Variants in CPS1 observed in about 807,000 individuals in gnomAD.
The protein encoded by CPS1 is carbamoyl-phosphate synthase [ammonia], mitochondrial.
CPS1 carries 109 observed loss-of-function variants against 174.6 expected under a neutral mutation model. The observed-to-expected ratio is 0.62, with a 90% CI of 0.53 to 0.73. CPS1 has a LOEUF of 0.73. CPS1 is among the 30% of genes least tolerant of loss of function. The pLI, the probability that CPS1 is intolerant of heterozygous loss-of-function variation, is 0.00. For missense variants in CPS1, 1,689 were observed against 1,821.9 expected (o/e 0.93, Z 1.33); for synonymous variants, 637 against 632.0 (o/e 1.01, Z -0.12).
At chr2:210,616,947 A>T (rs1017953938) in intron 21 of CPS1, among the ~76,000 whole-genome samples, 1 of 151,986 alleles carries the variant, frequency 6.6e-6, no homozygotes, top group Non-Finnish European at 1.5e-5. Flanking sequence ...TCCCCTTTTA[A>T]TATCAATCTA....
At chr2:210,666,894 T>C (rs1701119632) in intron 33 of CPS1, among the ~76,000 whole-genome samples, 1 of 152,194 alleles carries the variant, frequency 6.6e-6, no homozygotes, top group African/African-American at 2.4e-5. Context: ...GGGGATGGCA[T>C]TGAATCTATA....
Position 210,631,679 on chromosome 2 carries a change from T to C in CPS1, c.2688-6023T>C, listed in dbSNP as rs886593247. Reference sequence around the variant, plus strand: ...CCATTTGGTGTGTTGTTTTATTGTATAGATTCTATTATGCAATGATGAAAG... The same window carrying C: ...CCATTTGGTGTGTTGTTTTATTGTACAGATTCTATTATGCAATGATGAAAG... On this transcript the variant is annotated intron_variant, in intron 21 of 37. Coordinates refer to ENST00000233072, the MANE Select transcript of CPS1 (RefSeq NM_001875.5). Among the ~76,000 whole-genome samples, 12 of 152,204 alleles carry C rather than the reference T, an allele frequency of 7.9e-5. 1 individual carries two copies. The highest frequency in any genetic ancestry group is 2.9e-4 in the African/African-American group (12 of 41,464).
intron 1 of CPS1, among the ~76,000 whole-genome samples, chr2:210,508,165 T>C (rs1180021544): frequency 6.7e-6 from 1 of 149,216 alleles, no homozygotes; most frequent in African/African-American, 2.4e-5. Context: ...GAACAGAAAT[T>C]ATAACAAACT....
chr2:210,642,393 C>A (rs2105901407), intron 24 of CPS1, 91 bp from the exon 25 acceptor site: 1 of 1,461,318 alleles, frequency 6.8e-7, no homozygotes, highest in Non-Finnish European at 9.6e-7. Context: ...GCTTCCTTAG[C>A]CTGGACTGAC....
At chr2:210,674,484 C>CAAAAA (rs771522432) in intron 34 of CPS1, 16 of 74,768 alleles carry the variant, frequency 2.1e-4, no homozygotes, top group African/African-American at 4.0e-4. Flanking sequence ...AAAAAAAAAC[C>CAAAAA]AAAAAAAAAA....
intron 21 of CPS1, among the ~76,000 whole-genome samples, chr2:210,627,222 A>C (rs1699724276): frequency 6.6e-6 from 1 of 152,212 alleles, no homozygotes; most frequent in South Asian, 2.1e-4. Context: ...AGAAAGCCCC[A>C]GCAAGTCACC....
intron 7 of CPS1, among the ~76,000 whole-genome samples, chr2:210,589,606 G>A (rs1183236788): frequency 6.6e-6 from 1 of 152,008 alleles, no homozygotes; most frequent in African/African-American, 2.4e-5. Flanking sequence ...CTTGAGTGCA[G>A]GAGAGTGCAT....
intron 23 of CPS1, 33 bp downstream of exon 23, chr2:210,639,248 C>T (rs769298761): frequency 9.6e-6 from 14 of 1,464,534 alleles, no homozygotes; most frequent in Non-Finnish European, 1.2e-5. Flanking sequence ...ATCCAGAAAG[C>T]TCTAGATTTC....
chr2:210,509,273 C>T (rs1347039095), intron 1 of CPS1, among the ~76,000 whole-genome samples: 1 of 152,180 alleles, frequency 6.6e-6, no homozygotes, highest in Non-Finnish European at 1.5e-5. Flanking sequence ...GAACCAATGA[C>T]AAAAACCACA....
chr2:210,546,097 A>G (rs1394517193), intron 1 of CPS1, among the ~76,000 whole-genome samples: 1 of 152,086 alleles, frequency 6.6e-6, no homozygotes. Flanking sequence ...TCTAAGAATA[A>G]AACTGAAAGG....
chr2:210,656,693 GTT>G (rs61108700), intron 30 of CPS1, 61 bp downstream of exon 30: 1,691 of 872,578 alleles, frequency 1.9e-3, no homozygotes, highest in Non-Finnish European at 2.2e-3. Context: ...AACACCTAAG[GTT>G]TTTTTTTTTT....
chr2:210,611,625 T>G (rs552316808), intron 19 of CPS1, among the ~76,000 whole-genome samples: 48 of 152,102 alleles, frequency 3.2e-4, no homozygotes, highest in African/African-American at 1.1e-3. Flanking sequence ...CAAGGTTCTA[T>G]TAATATTAAT....
intron 22 of CPS1, among the ~76,000 whole-genome samples, chr2:210,638,252 CTT>C (rs1271374881): frequency 6.6e-6 from 1 of 152,056 alleles, no homozygotes. Context: ...TTGGCAGTAA[CTT>C]TTTACAGGGT....
chr2:210,536,547 C>G (rs1476435979), intron 1 of CPS1, among the ~76,000 whole-genome samples: 1 of 152,076 alleles, frequency 6.6e-6, no homozygotes, highest in African/African-American at 2.4e-5. Flanking sequence ...AGGATGGCTA[C>G]GATCTCCTAA....
chr2:210,660,746 CCTT>C, intron 32 of CPS1, 91 bp downstream of exon 32: 1 of 1,248,770 alleles, frequency 8.0e-7, no homozygotes, highest in Non-Finnish European at 1.2e-6. Context: ...ACTTTTAAAA[CCTT>C]CTAACTAAAG....
chr2:210,512,727 C>A, intron 1 of CPS1, among the ~76,000 whole-genome samples: 1 of 102,072 alleles, frequency 9.8e-6, no homozygotes, highest in Non-Finnish European at 2.0e-5. Context: ...TACATATCCT[C>A]CAGTAGTTTT....
chr2:210,633,016 T>A (rs1196803253), intron 21 of CPS1, among the ~76,000 whole-genome samples: 4 of 152,182 alleles, frequency 2.6e-5, no homozygotes, highest in Non-Finnish European at 5.9e-5. Flanking sequence ...AATCAACTAG[T>A]GAGATTAAAA....
At chr2:210,576,257 A>C (rs1697708469) in intron 2 of CPS1, 89 bp from the exon 3 acceptor site, 2 of 1,366,292 alleles carry the variant, frequency 1.5e-6, no homozygotes, top group Non-Finnish European at 2.1e-6. Context: ...CTCATTTTCA[A>C]GGGTTAAATA....
chr2:210,574,253 A>G (rs1697611875), intron 2 of CPS1, among the ~76,000 whole-genome samples: 1 of 152,078 alleles, frequency 6.6e-6, no homozygotes, highest in Admixed American at 6.6e-5. Context: ...TCTTAAAAAC[A>G]TGACTAGATT....
Sources: gnomAD v4.1 joint callset for allele counts (sites outside exome capture counted in the v4.1 genomes callset) on GRCh38, gnomAD v4.1.1 for gene constraint, MANE v1.5 for transcripts, NCBI Gene and HGNC (gene_info 2026-07-23, HGNC 2026-07-21) for gene names.